FRRS1L: variants seen among roughly 807,000 people sequenced by gnomAD.
FRRS1L encodes DOMON domain-containing protein FRRS1L.
A neutral mutation model predicts 28.6 loss-of-function variants in FRRS1L; 22 were observed. The observed-to-expected ratio is 0.77, with a 90% CI of 0.55 to 1.10. FRRS1L has a LOEUF of 1.10. Ranked by LOEUF, FRRS1L falls within the 50% of genes least tolerant of loss-of-function variation. FRRS1L has a pLI of 0.00. For synonymous variants in FRRS1L, 158 were observed against 151.4 expected (o/e 1.04, Z -0.32); for missense variants, 380 against 386.9 (o/e 0.98, Z 0.15).
At chr9:109,160,600 C>G (rs1438668411) in intron 1 of FRRS1L, among the ~76,000 whole-genome samples, 1 of 151,880 alleles carries the variant, frequency 6.6e-6, no homozygotes, top group African/African-American at 2.4e-5. Context: ...CTTGCCCAAG[C>G]TGATCTCAAA....
chr9:109,144,654 C>T (rs1047075672), intron 3 of FRRS1L, among the ~76,000 whole-genome samples: 3 of 151,084 alleles, frequency 2.0e-5, no homozygotes, highest in African/African-American at 7.3e-5. Context: ...TGTGAGCCAC[C>T]ATGCCCAGCC....
intron 1 of FRRS1L, among the ~76,000 whole-genome samples, chr9:109,165,393 T>C (rs1331768402): frequency 6.6e-6 from 1 of 152,162 alleles, no homozygotes; most frequent in Non-Finnish European, 1.5e-5. Context: ...ACTGTACTGA[T>C]GAGGACAAAG....
chr9:109,144,300 C>G (rs1831226224), intron 3 of FRRS1L, among the ~76,000 whole-genome samples: 1 of 152,178 alleles, frequency 6.6e-6, no homozygotes, highest in Non-Finnish European at 1.5e-5. Context: ...GCTTAGACTG[C>G]TTATCAGTCT....
chr9:109,159,987 A>G (rs1000867606), intron 1 of FRRS1L, among the ~76,000 whole-genome samples: 1 of 152,068 alleles, frequency 6.6e-6, no homozygotes, highest in African/African-American at 2.4e-5. Context: ...CTGACTATAC[A>G]CTTATCTGTC....
rs140056845 is a variant in FRRS1L, at chr9:109,150,623, T to A, written c.239-903A>T. 9.4e-5 allele frequency: 14 copies of A among 149,496 alleles called. No individual in the cohort carries two copies. In the East Asian group the frequency reaches 2.7e-3, roughly 29 times the overall value. 9.3% of individuals were successfully genotyped at this position (149,496 alleles called of 1,614,324 possible). Reference sequence around the variant, plus strand: ...CCATACACCATAATGCATCAAACCATACCATACCCAACTTGTCGCTAAATT... The same window carrying A: ...CCATACACCATAATGCATCAAACCAAACCATACCCAACTTGTCGCTAAATT... On this transcript the variant is annotated intron_variant, in intron 1 of 4. Transcript: ENST00000561981.
chr9:109,149,546 G>T, intron 2 of FRRS1L, 90 bp downstream of exon 2: 1 of 842,568 alleles, frequency 1.2e-6, no homozygotes, highest in South Asian at 1.6e-5. Context: ...CAGGCCCCCT[G>T]ATTAGAAGGA....
intron 3 of FRRS1L, among the ~76,000 whole-genome samples, chr9:109,142,831 T>A (rs1443882687): frequency 3.5e-5 from 5 of 144,500 alleles, no homozygotes; most frequent in African/African-American, 7.7e-5. Context: ...AAAAAAAAAA[T>A]ACACAACAAC....
chr9:109,151,249 A>G (rs1402743241), intron 1 of FRRS1L: 1 of 152,254 alleles, frequency 6.6e-6, no homozygotes, highest in East Asian at 1.9e-4. Flanking sequence ...CTGCTTCAGT[A>G]CTAGAGACCA....
At chr9:109,147,866 C>T (rs1831283302) in intron 2 of FRRS1L, 1 of 152,164 alleles carries the variant, frequency 6.6e-6, no homozygotes, top group East Asian at 1.9e-4. Context: ...TCACTTTTAT[C>T]TGTTTGAACT....
rs1588094341 is a variant in FRRS1L at position 109,132,716 on chromosome 9, T to C, written c.*4739A>G. On this transcript the variant is annotated 3_prime_UTR_variant, in exon 5 of 5. Transcript: ENST00000561981. ...TGTGCAGCCTGCAAGCTAAGAATGGTCTTTGGATTTTTTTAATGGCTTTCT... is the reference window on the plus strand; with the variant it reads ...TGTGCAGCCTGCAAGCTAAGAATGGCCTTTGGATTTTTTTAATGGCTTTCT... 1 of 152,306 alleles carries C rather than the reference T, an allele frequency of 6.6e-6. No homozygotes were observed. Among genetic ancestry groups the C allele is most frequent in the Non-Finnish European group, 1.5e-5 (1 of 68,030 alleles). 9.4% of individuals were successfully genotyped at this position (152,306 alleles called of 1,614,324 possible).
intron 3 of FRRS1L, among the ~76,000 whole-genome samples, chr9:109,143,554 G>A (rs973906455): frequency 1.4e-5 from 2 of 138,024 alleles, no homozygotes; most frequent in Admixed American, 1.5e-4. Flanking sequence ...TCTCACTGTT[G>A]CTCAGGCTGG....
chr9:109,148,759 T>C (rs933672959), intron 2 of FRRS1L, among the ~76,000 whole-genome samples: 1 of 152,172 alleles, frequency 6.6e-6, no homozygotes, highest in African/African-American at 2.4e-5. Flanking sequence ...ACAAGTCACT[T>C]TGAAGCCAGT....
At chr9:109,156,965 G>A (rs186714070) in intron 1 of FRRS1L, among the ~76,000 whole-genome samples, 2 of 152,180 alleles carry the variant, frequency 1.3e-5, no homozygotes, top group East Asian at 1.9e-4. Context: ...AAGCCACCAC[G>A]CCCAGCGTCT....
intron 3 of FRRS1L, among the ~76,000 whole-genome samples, chr9:109,143,472 G>A (rs751492343): frequency 2.3e-4 from 34 of 150,992 alleles, no homozygotes; most frequent in Non-Finnish European, 4.4e-4. Flanking sequence ...GCTGTAAAAC[G>A]TAAAGTCTAA....
chr9:109,154,385 C>T (rs1364626948), intron 1 of FRRS1L, among the ~76,000 whole-genome samples: 1 of 152,138 alleles, frequency 6.6e-6, no homozygotes. Context: ...GTATGATTTC[C>T]ATCTTTCTTA....
chr9:109,161,766 A>C (rs964946328), intron 1 of FRRS1L, among the ~76,000 whole-genome samples: 2 of 152,164 alleles, frequency 1.3e-5, no homozygotes, highest in Non-Finnish European at 2.9e-5. Context: ...TTTAAGTTTT[A>C]ATTGTCTGGC....
intron 4 of FRRS1L, chr9:109,138,604 T>C (rs184212307): frequency 2.0e-5 from 3 of 152,408 alleles, no homozygotes; most frequent in Non-Finnish European, 4.4e-5. Flanking sequence ...TTTCAGACAC[T>C]TGGGAGGCTG....
Position 109,167,010 on chromosome 9 carries a change from C to T in FRRS1L, c.129G>A (p.Arg43=), listed in dbSNP as rs768363888. 7 of 1,231,346 alleles carry T rather than the reference C, an allele frequency of 5.7e-6. No individual in the cohort carries two copies. The South Asian group carries it at 2.2e-4, about 38-fold the overall frequency. 76.3% of individuals were successfully genotyped at this position (1,231,346 alleles called of 1,614,324 possible). ...DGAGPGGRGP[R]GRARGDTGAD... ...CGCCCGTGTCCCCCCGCGCGCGTCC[C>T]CGGGGTCCCCGGCCCCCCGGGCCCG... Residue 43 remains arginine (R), a synonymous_variant, in exon 1 of 5, where the codon CGG becomes CGA. Coordinates refer to ENST00000561981, the MANE Select transcript of FRRS1L (RefSeq NM_014334.4).
chr9:109,143,444 C>T (rs1459065647), intron 3 of FRRS1L, among the ~76,000 whole-genome samples: 2 of 151,896 alleles, frequency 1.3e-5, no homozygotes, highest in Non-Finnish European at 2.9e-5. Context: ...GGCTCCATTT[C>T]ACTGTGAACC....
Sources: allele counts gnomAD v4.1 joint callset (sites outside exome capture counted in the v4.1 genomes callset), GRCh38; gene constraint gnomAD v4.1.1; transcripts MANE v1.5; gene names NCBI Gene and HGNC (gene_info 2026-07-23, HGNC 2026-07-21).